The following PCDH9 variants were observed in gnomAD, a reference collection of about 807,000 sequenced individuals.
PCDH9 encodes protocadherin-9.
In PCDH9, 24 loss-of-function variants were observed where a neutral mutation model predicts 70.6. That is an observed-to-expected ratio of 0.34 (90% CI 0.25 to 0.48). The LOEUF is 0.48. Ranked by LOEUF, PCDH9 falls within the 20% of genes least tolerant of loss-of-function variation. PCDH9 has a pLI of 0.99. For synonymous variants in PCDH9, 562 were observed against 558.5 expected (o/e 1.01, Z -0.09); for missense variants, 1,281 against 1,503.6 (o/e 0.85, Z 2.45).
At chr13:66,376,291 T>C (rs2138229435) in intron 4 of PCDH9, among the ~76,000 whole-genome samples, 1 of 152,226 alleles carries the variant, frequency 6.6e-6, no homozygotes, top group South Asian at 2.1e-4. Flanking sequence ...TTTCACACAC[T>C]GAATGCTGAA....
chr13:66,343,812 G>C (rs1033775205), intron 4 of PCDH9, among the ~76,000 whole-genome samples: 1 of 152,126 alleles, frequency 6.6e-6, no homozygotes, highest in Admixed American at 6.6e-5. Context: ...TGGGAACGGG[G>C]GGCATTGCCT....
intron 2 of PCDH9, among the ~76,000 whole-genome samples, chr13:67,167,025 C>G (rs2088137228): frequency 6.6e-6 from 1 of 152,180 alleles, no homozygotes; most frequent in African/African-American, 2.4e-5. Context: ...CGATAACCTT[C>G]CTTGTTATAT....
At chr13:66,344,431 A>G (rs1956181539) in intron 4 of PCDH9, among the ~76,000 whole-genome samples, 1 of 152,140 alleles carries the variant, frequency 6.6e-6, no homozygotes, top group Non-Finnish European at 1.5e-5. Flanking sequence ...CGGCCAATAA[A>G]GTATTTTTAA....
intron 3 of PCDH9, among the ~76,000 whole-genome samples, chr13:66,810,961 T>G (rs1010825481): frequency 5.9e-5 from 9 of 152,082 alleles, no homozygotes; most frequent in African/African-American, 2.2e-4. Flanking sequence ...TATTTCATGA[T>G]ATTCATCACT....
At chr13:66,725,580 G>A (rs985494093) in intron 3 of PCDH9, among the ~76,000 whole-genome samples, 2 of 152,080 alleles carry the variant, frequency 1.3e-5, no homozygotes, top group African/African-American at 4.8e-5. Context: ...GATGTTCTAG[G>A]ATAGAGTGTG....
intron 3 of PCDH9, among the ~76,000 whole-genome samples, chr13:66,733,089 T>A (rs2079098843): frequency 6.6e-6 from 1 of 152,148 alleles, no homozygotes. Context: ...TAAAGCTGTA[T>A]AAACTGTGAT....
intron 2 of PCDH9, among the ~76,000 whole-genome samples, chr13:67,091,043 G>A (rs1304048143): frequency 2.6e-5 from 4 of 151,928 alleles, no homozygotes; most frequent in African/African-American, 4.8e-5. Context: ...TCCAAACTTC[G>A]TGTTAGATCT....
intron 2 of PCDH9, chr13:67,209,149 T>G (rs916871360): frequency 6.6e-6 from 1 of 152,142 alleles, no homozygotes; most frequent in African/African-American, 2.4e-5. Flanking sequence ...TCCCAGTACT[T>G]GAGTCCTGCA....
chr13:66,559,817 A>AATATAT lies in PCDH9; in HGVS notation c.3340+71387_3340+71392dup, dbSNP rs1555306267. Among the ~76,000 whole-genome samples the AATATAT allele has an allele frequency of 2.0e-3, 189 of 93,080 alleles. 2 individuals carry two copies. Among genetic ancestry groups the AATATAT allele is most frequent in the African/African-American group, 7.9e-3 (179 of 22,768 alleles). 61.1% of individuals were successfully genotyped at this position (93,080 alleles called of 152,430 possible). ...TCCATCTCAAAAAAAAAAAAAAAAA[A>AATATAT]ATATATATATATATATACACACACA... On this transcript the variant is annotated intron_variant, in intron 4 of 4. Coordinates refer to ENST00000377865, the MANE Select transcript of PCDH9 (RefSeq NM_203487.3).
chr13:66,499,787 C>T (rs1318483334), intron 4 of PCDH9, among the ~76,000 whole-genome samples: 1 of 152,180 alleles, frequency 6.6e-6, no homozygotes, highest in Non-Finnish European at 1.5e-5. Flanking sequence ...GGTATTGGAT[C>T]ATGGAGATGG....
At chr13:66,455,556 G>T (rs1958302575) in intron 4 of PCDH9, among the ~76,000 whole-genome samples, 1 of 151,956 alleles carries the variant, frequency 6.6e-6, no homozygotes. Context: ...AATAATAAAT[G>T]GATAAAATTC....
intron 2 of PCDH9, among the ~76,000 whole-genome samples, chr13:67,112,375 T>C (rs1289633902): frequency 6.6e-6 from 1 of 152,170 alleles, no homozygotes; most frequent in African/African-American, 2.4e-5. Context: ...ATAGGTACTG[T>C]GTGGTGCCTA....
intron 2 of PCDH9, among the ~76,000 whole-genome samples, chr13:66,904,459 A>G (rs529190679): frequency 8.5e-5 from 13 of 152,148 alleles, no homozygotes; most frequent in Non-Finnish European, 1.6e-4. Context: ...TTTATTAAAC[A>G]TAACTTTGTA....
At chr13:66,329,494 A>G (rs1955902426) in intron 4 of PCDH9, among the ~76,000 whole-genome samples, 1 of 152,152 alleles carries the variant, frequency 6.6e-6, no homozygotes, top group Admixed American at 6.5e-5. Context: ...TAAGGAATCT[A>G]TGCTCAACCT....
rs115574761 is a variant in PCDH9, at chr13:67,180,628, A to G, written c.3036+44777T>C. Reference sequence around the variant, plus strand: ...TATGTCCATTTAAAATAACTATTCAAAATTCCCTGGTTGGTCTTCACGAGC... The same window carrying G: ...TATGTCCATTTAAAATAACTATTCAGAATTCCCTGGTTGGTCTTCACGAGC... On this transcript the variant is annotated intron_variant, in intron 2 of 4. Transcript: ENST00000377865. Among the ~76,000 whole-genome samples, 764 of 152,218 alleles carry G rather than the reference A, an allele frequency of 5.0e-3. 4 individuals carry two copies. Among genetic ancestry groups the G allele is most frequent in the African/African-American group, 0.018 (732 of 41,534 alleles).
chr13:66,408,033 T>C (rs971280295), intron 4 of PCDH9, among the ~76,000 whole-genome samples: 1 of 151,906 alleles, frequency 6.6e-6, no homozygotes, highest in African/African-American at 2.4e-5. Context: ...GAAACAAAGT[T>C]TTATCAGCAG....
chr13:66,674,494 A>C (rs530992171), intron 3 of PCDH9, among the ~76,000 whole-genome samples: 1 of 152,232 alleles, frequency 6.6e-6, no homozygotes, highest in Non-Finnish European at 1.5e-5. Context: ...CTCTGTGTTG[A>C]AACTATTATT....
chr13:66,870,626 CA>C (rs753261799), intron 3 of PCDH9, among the ~76,000 whole-genome samples: 3 of 152,122 alleles, frequency 2.0e-5, no homozygotes, highest in Non-Finnish European at 4.4e-5. Context: ...AGCCAAAAAA[CA>C]CATGAAAAAA....
At chr13:66,452,298 C>A (rs1038982259) in intron 4 of PCDH9, among the ~76,000 whole-genome samples, 1 of 152,064 alleles carries the variant, frequency 6.6e-6, no homozygotes, top group African/African-American at 2.4e-5. Flanking sequence ...ATATAAAGGG[C>A]ACTGCATATT....
Sources: gnomAD v4.1 joint callset for allele counts (sites outside exome capture counted in the v4.1 genomes callset) on GRCh38, gnomAD v4.1.1 for gene constraint, MANE v1.5 for transcripts, NCBI Gene and HGNC (gene_info 2026-07-23, HGNC 2026-07-21) for gene names.